Variants in SH3TC1 observed in about 807,000 individuals in gnomAD.
SH3TC1 encodes the protein SH3 domain and tetratricopeptide repeats 1.
In SH3TC1, 135 loss-of-function variants were observed where a neutral mutation model predicts 117.3. The ratio of observed to expected loss-of-function variants is 1.15; its 90% confidence interval spans 1.00 to 1.33. The LOEUF (loss-of-function observed/expected upper bound fraction) is 1.33. Among genes scored for constraint, SH3TC1 ranks in the 40% most tolerant of loss-of-function variants. The pLI is 0.00. For missense variants in SH3TC1, 2,092 were observed against 1,794.3 expected (o/e 1.17, Z -3.00); for synonymous variants, 898 against 816.9 (o/e 1.10, Z -1.69).
intron 1 of SH3TC1, among the ~76,000 whole-genome samples, chr4:8,182,656 C>A (rs1353597871): frequency 6.6e-6 from 1 of 152,162 alleles, no homozygotes; most frequent in African/African-American, 2.4e-5. Context: ...TAAGATGAGG[C>A]ATTGGTGTTG....
chr4:8,188,945 G>A (rs1468351698), intron 1 of SH3TC1, among the ~76,000 whole-genome samples: 3 of 152,256 alleles, frequency 2.0e-5, no homozygotes, highest in Non-Finnish European at 4.4e-5. Context: ...CTGCTCACAG[G>A]CACACGTGGC....
At chr4:8,214,624 C>T (rs370460424) in intron 5 of SH3TC1, 44 bp downstream of exon 5, 169 of 1,479,626 alleles carry the variant, frequency 1.1e-4, no homozygotes, top group Admixed American at 4.9e-4. Context: ...GGACGCCCGT[C>T]GGAAGGTGCT....
intron 6 of SH3TC1, among the ~76,000 whole-genome samples, 168 bp from the exon 7 acceptor site, chr4:8,216,789 G>A (rs951565464): frequency 2.9e-4 from 44 of 152,164 alleles, no homozygotes; most frequent in African/African-American, 8.4e-4. Context: ...ACCTCGCCCT[G>A]GGCCCACCTC....
rs1464330521 is a variant in SH3TC1 at position 8,205,754 on chromosome 4, G to A, written c.172+388G>A. On this transcript the variant is annotated intron_variant, in intron 2 of 17. Coordinates refer to ENST00000245105, the MANE Select transcript of SH3TC1 (RefSeq NM_018986.5). This position sits in a 1 kb window ranked among gnomAD's most constrained non-coding sequence, Gnocchi z 5.4. The stretch of plus-strand genomic sequence containing the variant: ...TCGTTCTCCAGGAGGCACCCAAGGT[G>A]CAGAGAGGGAAGGGCCGGGCCAGGC... 4.5e-6 allele frequency: 3 copies of A among 672,650 alleles called. No homozygotes were observed. Among genetic ancestry groups the A allele is most frequent in the South Asian group, 1.5e-5 (1 of 64,698 alleles). The allele number at this position is 672,650 out of a possible 1,614,324, so 41.7% of individuals were successfully genotyped here.
intron 12 of SH3TC1, 162 bp from the exon 13 acceptor site, chr4:8,231,814 C>A: frequency 1.3e-6 from 1 of 753,708 alleles, no homozygotes; most frequent in Non-Finnish European, 2.1e-6. Flanking sequence ...GGCATCTGCA[C>A]CAAGCTGTGC....
chr4:8,209,507 A>AGTC lies in SH3TC1; in HGVS notation c.173-238_173-236dup. Reference sequence around the variant, plus strand: ...AACTTGAGAGCGGCGGGATCATACGAGTCGTGTGGTCTTAAGCCTCTGAGT... The same window carrying AGTC: ...AACTTGAGAGCGGCGGGATCATACGAGTCGTCGTGTGGTCTTAAGCCTCTGAGT... On this transcript the variant is annotated intron_variant, in intron 2 of 17. Transcript: ENST00000245105. This position sits in a 1 kb window ranked among gnomAD's most constrained non-coding sequence, Gnocchi z 5.9. 1.3e-6 allele frequency: 1 copy of AGTC among 762,414 alleles called. No individual in the cohort carries two copies. Among genetic ancestry groups the AGTC allele is most frequent in the Non-Finnish European group, 2.1e-6 (1 of 473,314 alleles). 47.2% of individuals were successfully genotyped at this position (762,414 alleles called of 1,614,324 possible).
In SH3TC1 at chr4:8,218,364, G is replaced by T. The variant is rs200478204; in HGVS notation, c.916+17G>T. On this transcript the variant is annotated intron_variant, in intron 8 of 17. Coordinates refer to ENST00000245105, the MANE Select transcript of SH3TC1 (RefSeq NM_018986.5). ...CGCTGATGGGTAAGTGTTTCCATGG[G>T]CCTCTCTTTTTTGGGGAAATGTGTG... 5 of 1,595,314 alleles carry T rather than the reference G, an allele frequency of 3.1e-6. No homozygotes were observed. The highest frequency in any genetic ancestry group is 1.7e-5 in the Admixed American group (1 of 58,714).
At position 8,183,778 on chromosome 4, in the gene SH3TC1, G is replaced by T. The variant is rs986710299; in HGVS notation, c.-57+1568G>T. 2.0e-5 allele frequency among the ~76,000 whole-genome samples: 3 copies of T among 152,118 alleles called. No individual in the cohort carries two copies. The highest frequency in any genetic ancestry group is 7.2e-5 in the African/African-American group (3 of 41,428). The stretch of plus-strand genomic sequence containing the variant: ...TACCACCAATGCCTGATTACCAGCT[G>T]CAGCCCACACCTGACTCAGATTTCC... On this transcript the variant is annotated intron_variant, in intron 1 of 16. Transcript: ENST00000508641. The surrounding 1 kb of genome is among the most constrained non-coding windows in gnomAD (Gnocchi z 5.4).
rs1361014798 is a variant in SH3TC1 at position 8,183,938 on chromosome 4, T to TA, written c.-57+1729dup. 6.6e-6 allele frequency among the ~76,000 whole-genome samples: 1 copy of TA among 152,120 alleles called. No individual in the cohort carries two copies. The highest frequency in any genetic ancestry group is 1.5e-5 in the Non-Finnish European group (1 of 68,020). ...AACTAATTTTTGTATTTTTAGTAGA[T>TA]ACGGGGTTTCACCATGTTGGCCAGG... On this transcript the variant is annotated intron_variant, in intron 1 of 16. Coordinates refer to the SH3TC1 transcript ENST00000508641. The surrounding 1 kb of genome is among the most constrained non-coding windows in gnomAD (Gnocchi z 5.4).
intron 1 of SH3TC1, among the ~76,000 whole-genome samples, chr4:8,191,510 G>A (rs955601485): frequency 2.2e-4 from 34 of 152,336 alleles, no homozygotes; most frequent in African/African-American, 7.7e-4. Context: ...ATCAGGGGCC[G>A]GTTTCAGCAG....
intron 10 of SH3TC1, among the ~76,000 whole-genome samples, chr4:8,224,334 CA>C (rs1292187346): frequency 6.6e-6 from 1 of 152,208 alleles, no homozygotes; most frequent in East Asian, 1.9e-4. Flanking sequence ...CCTGAATGGA[CA>C]AACTTAGACT....
At chr4:8,204,521 A>G (rs1260038372) in intron 1 of SH3TC1, among the ~76,000 whole-genome samples, 1 of 152,150 alleles carries the variant, frequency 6.6e-6, no homozygotes, top group Non-Finnish European at 1.5e-5. Context: ...CAATCAGTGA[A>G]CAGTGAGGCC....
Position 8,216,247 on chromosome 4 carries a change from C to T in SH3TC1, c.618C>T (p.Leu206=), listed in dbSNP as rs764965167. The T allele has an allele frequency of 5.1e-5, 82 of 1,613,302 alleles. No individual in the cohort carries two copies. Among genetic ancestry groups the T allele is most frequent in the Non-Finnish European group, 6.6e-5 (78 of 1,179,886 alleles). Reference sequence around the variant, plus strand: ...TAAGGCTGACCCACGAGAGCCTCCTCATCCAAGAAGGTGAGCGTTGCATGG... The same window carrying T: ...TAAGGCTGACCCACGAGAGCCTCCTTATCCAAGAAGGTGAGCGTTGCATGG... ...NALRLTHESL[L]IQEGPFFVLC... The change falls in exon 6 of 18, where the codon CTC becomes CTT. Residue 206 remains leucine, a synonymous_variant. Transcript: ENST00000245105.
intron 17 of SH3TC1, among the ~76,000 whole-genome samples, chr4:8,239,489 C>T (rs1252335262): frequency 6.6e-6 from 1 of 151,476 alleles, no homozygotes; most frequent in Non-Finnish European, 1.5e-5. Flanking sequence ...TAGGCACACA[C>T]AGGCACACGC....
chr4:8,198,357 A>C (rs1717630438), upstream of SH3TC1, among the ~76,000 whole-genome samples: 1 of 152,122 alleles, frequency 6.6e-6, no homozygotes, highest in South Asian at 2.1e-4. Context: ...CCGACCTATC[A>C]CAGCACAGGC....
chr4:8,225,275 C>T lies in SH3TC1; in HGVS notation c.1285+59C>T. ...TTATGAGCTGGGCCTTGGGGTAACG[C>T]TGGGGGAGGTGACAAAGCTGAGCAC... On this transcript the variant is annotated intron_variant, in intron 11 of 17. Transcript: ENST00000245105. This position sits in a 1 kb window ranked among gnomAD's most constrained non-coding sequence, Gnocchi z 5.5. 1 of 1,570,100 alleles carries T rather than the reference C, an allele frequency of 6.4e-7. No homozygotes were observed. Among genetic ancestry groups the T allele is most frequent in the Non-Finnish European group, 8.7e-7 (1 of 1,151,092 alleles).
intron 12 of SH3TC1, among the ~76,000 whole-genome samples, chr4:8,229,958 GGGACGA>G (rs879628848): frequency 0.029 from 4,279 of 149,918 alleles, 290 homozygotes; most frequent in Middle Eastern, 0.048. Flanking sequence ...CGGGGGCCAG[GGGACGA>G]GGATCATGCT....
rs1471456190 is a variant in SH3TC1 at position 8,186,528 on chromosome 4, C to T, written c.-57+4318C>T. Among the ~76,000 whole-genome samples, 1 of 152,174 alleles carries T rather than the reference C, an allele frequency of 6.6e-6. No homozygotes were observed. Among genetic ancestry groups the T allele is most frequent in the Non-Finnish European group, 1.5e-5 (1 of 68,030 alleles). ...GGTTTACTGAATGTGACAGGTTACG[C>T]AGGTGTGAGATGGTCATCACGGGGG... On this transcript the variant is annotated intron_variant, in intron 1 of 16. Coordinates refer to the SH3TC1 transcript ENST00000508641. This position sits in a 1 kb window ranked among gnomAD's most constrained non-coding sequence, Gnocchi z 5.2.
In SH3TC1 at chr4:8,205,222, G is replaced by T. The variant is rs140399248; in HGVS notation, c.28G>T (p.Glu10Ter). 6.5e-6 allele frequency: 10 copies of T among 1,547,398 alleles called. No homozygotes were observed. Among genetic ancestry groups the T allele is most frequent in the Non-Finnish European group, 8.7e-6 (10 of 1,146,098 alleles). MENLPAVTTEEPTPMGRGPV... is the reference protein window; with the variant it reads MENLPAVTT ...GGAGAACCTCCCTGCCGTGACCACT[G>T]AGGAGCCGACCCCCATGGGGAGGGG... The change falls in exon 2 of 18, where the codon GAG becomes TAG. Residue 10 changes from glutamate (E) to a stop codon, truncating the protein, a stop_gained. Transcript: ENST00000245105. LOFTEE classifies it high-confidence loss of function. This position sits in a 1 kb window ranked among gnomAD's most constrained non-coding sequence, Gnocchi z 5.4.
Sources: allele counts gnomAD v4.1 joint callset (sites outside exome capture counted in the v4.1 genomes callset), GRCh38; gene constraint gnomAD v4.1.1; non-coding constraint Gnocchi (gnomAD v3.1); transcripts MANE v1.5; gene names NCBI Gene and HGNC (gene_info 2026-07-23, HGNC 2026-07-21).